TMEM163: variants seen among roughly 807,000 people sequenced by gnomAD.
TMEM163 encodes the protein transmembrane protein 163.
In TMEM163, 17 loss-of-function variants were observed where a neutral mutation model predicts 29.3. The ratio of observed to expected loss-of-function variants is 0.58; its 90% CI spans 0.40 to 0.87. TMEM163 has a LOEUF of 0.87. TMEM163 is among the 40% of genes least tolerant of loss of function. TMEM163 has a pLI of 0.00. For synonymous variants in TMEM163, 157 were observed against 160.6 expected (o/e 0.98, Z 0.17); for missense variants, 303 against 381.5 (o/e 0.79, Z 1.71).
At chr2:134,560,751 ACC>A (rs1681151913) in intron 2 of TMEM163, among the ~76,000 whole-genome samples, 1 of 152,218 alleles carries the variant, frequency 6.6e-6, no homozygotes, top group African/African-American at 2.4e-5. Flanking sequence ...GGACCAGGGC[ACC>A]CTTGTTCCTG....
rs113453703 is a variant in TMEM163, at chr2:134,588,450, G to T, written c.323-36359C>A. Among the ~76,000 whole-genome samples the T allele has an allele frequency of 9.6e-3, 1,461 of 152,292 alleles. 14 individuals carry two copies. The highest frequency in any genetic ancestry group is 0.027 in the Middle Eastern group (8 of 294). On this transcript the variant is annotated intron_variant, in intron 2 of 7. Coordinates refer to ENST00000281924, the MANE Select transcript of TMEM163 (RefSeq NM_030923.5). The stretch of plus-strand genomic sequence containing the variant: ...TTATCACCTTGGGGTCCAATCAGCA[G>T]TTCCTAAACCCGATGAAACTGGAGT...
chr2:134,578,027 C>T (rs1574252189), intron 2 of TMEM163, among the ~76,000 whole-genome samples: 1 of 151,936 alleles, frequency 6.6e-6, no homozygotes, highest in Non-Finnish European at 1.5e-5. Context: ...TGGAACCAAC[C>T]CCTCTCGGGT....
chr2:134,718,628 G>C, intron 1 of TMEM163, 106 bp downstream of exon 1: 1 of 869,568 alleles, frequency 1.2e-6, no homozygotes, highest in East Asian at 6.7e-5. Context: ...CCGCGCCCCC[G>C]CGCGCTCCGA....
intron 2 of TMEM163, among the ~76,000 whole-genome samples, chr2:134,691,137 G>C (rs559635218): frequency 2.0e-5 from 3 of 152,294 alleles, no homozygotes; most frequent in Non-Finnish European, 4.4e-5. Flanking sequence ...CCTCAGCAGG[G>C]AGCAGCCAAC....
intron 2 of TMEM163, among the ~76,000 whole-genome samples, chr2:134,599,844 CT>C (rs2104809153): frequency 6.6e-6 from 1 of 152,126 alleles, no homozygotes; most frequent in East Asian, 1.9e-4. Flanking sequence ...TCCTATTCTA[CT>C]TTTTCATTAA....
intron 2 of TMEM163, among the ~76,000 whole-genome samples, chr2:134,567,090 C>T (rs1681313952): frequency 2.0e-5 from 3 of 152,124 alleles, no homozygotes; most frequent in African/African-American, 4.8e-5. Context: ...GCTCTCATTC[C>T]ACCGTACATC....
At chr2:134,464,265 G>A (rs1241540611) in intron 6 of TMEM163, among the ~76,000 whole-genome samples, 2 of 152,094 alleles carry the variant, frequency 1.3e-5, no homozygotes, top group South Asian at 4.2e-4. Context: ...GGGAGATGCT[G>A]TACTTGGCCC....
At chr2:134,499,572 A>G (rs750959189) in intron 5 of TMEM163, among the ~76,000 whole-genome samples, 12 of 152,244 alleles carry the variant, frequency 7.9e-5, no homozygotes, top group Non-Finnish European at 1.8e-4. Flanking sequence ...CGAGGCTCAG[A>G]GTCAACCAAC....
intron 4 of TMEM163, among the ~76,000 whole-genome samples, chr2:134,507,164 C>T (rs942150662): frequency 1.3e-5 from 2 of 152,008 alleles, no homozygotes; most frequent in African/African-American, 4.8e-5. Flanking sequence ...CGGACAAACC[C>T]CGTCTCTACT....
chr2:134,474,318 C>G (rs1459096691), intron 5 of TMEM163, among the ~76,000 whole-genome samples: 1 of 152,136 alleles, frequency 6.6e-6, no homozygotes, highest in Non-Finnish European at 1.5e-5. Flanking sequence ...TCACTACCCA[C>G]TCATGGAGAA....
intron 2 of TMEM163, among the ~76,000 whole-genome samples, chr2:134,598,867 G>A (rs1223571638): frequency 6.6e-6 from 1 of 150,478 alleles, no homozygotes; most frequent in East Asian, 1.9e-4. Context: ...GTTGCAGTGA[G>A]CCTAGATAGT....
intron 2 of TMEM163, among the ~76,000 whole-genome samples, chr2:134,582,022 T>G (rs1574255345): frequency 6.6e-6 from 1 of 152,192 alleles, no homozygotes; most frequent in Non-Finnish European, 1.5e-5. Flanking sequence ...CCAGCACTGC[T>G]TGGGTTCACA....
intron 5 of TMEM163, among the ~76,000 whole-genome samples, chr2:134,491,820 C>T (rs1679434839): frequency 6.6e-6 from 1 of 152,210 alleles, no homozygotes; most frequent in Admixed American, 6.5e-5. Context: ...ACAGACATAT[C>T]ACATCCTGCT....
intron 4 of TMEM163, among the ~76,000 whole-genome samples, chr2:134,523,564 T>G (rs1409629588): frequency 1.3e-5 from 2 of 152,160 alleles, no homozygotes; most frequent in Non-Finnish European, 2.9e-5. Flanking sequence ...TCCCCTCAGC[T>G]GCTCCCTGCC....
At chr2:134,667,835 G>T (rs952623828) in intron 2 of TMEM163, among the ~76,000 whole-genome samples, 22 of 152,330 alleles carry the variant, frequency 1.4e-4, no homozygotes, top group African/African-American at 4.8e-4. Flanking sequence ...GAAATAGGAA[G>T]AAAAAGCAAC....
intron 6 of TMEM163, among the ~76,000 whole-genome samples, chr2:134,463,973 GAGGGGCCTT>G (rs1364459024): frequency 6.6e-6 from 1 of 152,220 alleles, no homozygotes; most frequent in Non-Finnish European, 1.5e-5. Flanking sequence ...TGTTGCACAT[GAGGGGCCTT>G]AGCACTGCTG....
intron 2 of TMEM163, among the ~76,000 whole-genome samples, chr2:134,666,921 G>A (rs776485389): frequency 3.9e-5 from 6 of 152,164 alleles, no homozygotes; most frequent in Non-Finnish European, 5.9e-5. Context: ...ATCGTCCTGG[G>A]AGGATGTCGT....
At chr2:134,484,510 A>G (rs1679269861) in intron 5 of TMEM163, among the ~76,000 whole-genome samples, 1 of 151,918 alleles carries the variant, frequency 6.6e-6, no homozygotes, top group African/African-American at 2.4e-5. Context: ...ATCTCTAGGA[A>G]ATATTTAAAA....
chr2:134,715,996 G>A (rs1218867815), intron 1 of TMEM163, among the ~76,000 whole-genome samples: 1 of 152,156 alleles, frequency 6.6e-6, no homozygotes, highest in Non-Finnish European at 1.5e-5. Flanking sequence ...CATATGGAGA[G>A]GCTGAAGCCA....
Sources: allele counts gnomAD v4.1 joint callset (sites outside exome capture counted in the v4.1 genomes callset), GRCh38; gene constraint gnomAD v4.1.1; transcripts MANE v1.5; gene names NCBI Gene and HGNC (gene_info 2026-07-23, HGNC 2026-07-21).